Variants in SCHIP1 observed in about 807,000 individuals in gnomAD.
SCHIP1 encodes the protein schwannomin interacting protein 1.
Under a neutral mutation model 29.7 loss-of-function variants are expected in SCHIP1, and 8 were observed. The observed-to-expected ratio is 0.27, with a 90% confidence interval of 0.16 to 0.49. The LOEUF (loss-of-function observed/expected upper bound fraction) is 0.49. Ranked by LOEUF, SCHIP1 falls within the 20% of genes least tolerant of loss-of-function variation. SCHIP1 has a pLI of 0.99. For missense variants in SCHIP1, 193 were observed against 294.6 expected (o/e 0.66, Z 2.52); for synonymous variants, 76 against 94.9 (o/e 0.80, Z 1.16).
At chr3:159,696,374 A>C in the SCHIP1 span, among the ~76,000 whole-genome samples, 7 of 151,802 alleles carry the variant, frequency 4.6e-5, no homozygotes, top group Non-Finnish European at 1.0e-4. Context: ...AGTGAAGTTA[A>C]CTCTTACTGC....
At chr3:159,372,048 T>G in the SCHIP1 span, among the ~76,000 whole-genome samples, 2 of 152,158 alleles carry the variant, frequency 1.3e-5, no homozygotes. Context: ...GCATTTGAAT[T>G]TTATTGAAAT....
the SCHIP1 span, among the ~76,000 whole-genome samples, chr3:159,394,326 C>T: frequency 6.6e-6 from 1 of 152,064 alleles, no homozygotes. Flanking sequence ...TGCCTAATTG[C>T]TCTGGCCAGA....
At chr3:159,483,093 G>A in the SCHIP1 span, among the ~76,000 whole-genome samples, 1 of 152,140 alleles carries the variant, frequency 6.6e-6, no homozygotes, top group Admixed American at 6.6e-5. Flanking sequence ...AGCTGACAGA[G>A]CTCCCACTGT....
At chr3:159,827,902 C>T in the SCHIP1 span, among the ~76,000 whole-genome samples, 2 of 151,004 alleles carry the variant, frequency 1.3e-5, no homozygotes, top group African/African-American at 4.9e-5. Flanking sequence ...TCATAATGAA[C>T]TCATGATCTA....
At chr3:159,724,016 G>A in the SCHIP1 span, among the ~76,000 whole-genome samples, 1 of 152,166 alleles carries the variant, frequency 6.6e-6, no homozygotes, top group Non-Finnish European at 1.5e-5. Context: ...ACCTGGAAGA[G>A]TTGAACCAGT....
chr3:159,279,649 T>G, the SCHIP1 span, among the ~76,000 whole-genome samples: 1 of 151,346 alleles, frequency 6.6e-6, no homozygotes, highest in Non-Finnish European at 1.5e-5. Flanking sequence ...TTGATGTTAA[T>G]TTTACTGCAG....
At chr3:159,684,373 T>A in the SCHIP1 span, among the ~76,000 whole-genome samples, 1 of 152,208 alleles carries the variant, frequency 6.6e-6, no homozygotes, top group Non-Finnish European at 1.5e-5. Context: ...ACAACATTGG[T>A]GTTTTCTCAC....
At chr3:159,818,008 G>T in the SCHIP1 span, among the ~76,000 whole-genome samples, 12 of 152,316 alleles carry the variant, frequency 7.9e-5, no homozygotes, top group African/African-American at 2.2e-4. Context: ...ATCAGCAGCT[G>T]CAGTAGACTG....
At chr3:159,419,256 T>A in the SCHIP1 span, among the ~76,000 whole-genome samples, 1 of 152,154 alleles carries the variant, frequency 6.6e-6, no homozygotes, top group African/African-American at 2.4e-5. Flanking sequence ...AATGGGGATA[T>A]GAAATCTGTC....
the SCHIP1 span, among the ~76,000 whole-genome samples, chr3:159,819,780 C>G: frequency 6.6e-6 from 1 of 152,322 alleles, no homozygotes; most frequent in Non-Finnish European, 1.5e-5. Context: ...GGACTGACTT[C>G]CATTCTTTGT....
At chr3:159,564,541 TA>T in the SCHIP1 span, among the ~76,000 whole-genome samples, 1 of 152,130 alleles carries the variant, frequency 6.6e-6, no homozygotes, top group Non-Finnish European at 1.5e-5. Context: ...CATGCCTGGC[TA>T]ATTTTGAATT....
the SCHIP1 span, among the ~76,000 whole-genome samples, chr3:159,440,679 A>G: frequency 1.3e-5 from 2 of 152,106 alleles, no homozygotes; most frequent in Admixed American, 6.6e-5. Context: ...TGTCCCCAGT[A>G]GGCTATGGCC....
the SCHIP1 span, among the ~76,000 whole-genome samples, chr3:159,552,350 T>A: frequency 6.6e-6 from 1 of 152,090 alleles, no homozygotes; most frequent in African/African-American, 2.4e-5. Flanking sequence ...CCGGCCCACA[T>A]TGCATTTTAA....
At chr3:159,348,820 A>G in the SCHIP1 span, among the ~76,000 whole-genome samples, 1 of 152,210 alleles carries the variant, frequency 6.6e-6, no homozygotes, top group Admixed American at 6.5e-5. Context: ...CAAGGAAATT[A>G]CTATAGTGCT....
chr3:159,306,332 TG>T, the SCHIP1 span, among the ~76,000 whole-genome samples: 1 of 75,408 alleles, frequency 1.3e-5, no homozygotes, highest in Non-Finnish European at 3.9e-5. Flanking sequence ...ATAACTTTCT[TG>T]TAAAATCCTA....
At chr3:159,680,042 T>C in the SCHIP1 span, among the ~76,000 whole-genome samples, 6 of 143,388 alleles carry the variant, frequency 4.2e-5, no homozygotes, top group African/African-American at 1.6e-4. Flanking sequence ...ATCTCGGTAC[T>C]TCCCACCGAG....
the SCHIP1 span, among the ~76,000 whole-genome samples, chr3:159,571,006 T>G: frequency 6.6e-6 from 1 of 152,210 alleles, no homozygotes; most frequent in African/African-American, 2.4e-5. Flanking sequence ...CCTGAGACTT[T>G]GCTGAAGTTG....
chr3:159,581,315 GAA>G, the SCHIP1 span, among the ~76,000 whole-genome samples: 3 of 152,176 alleles, frequency 2.0e-5, no homozygotes, highest in African/African-American at 7.2e-5. Context: ...ACTTGGAGCT[GAA>G]GAAGCTGGCA....
the SCHIP1 span, among the ~76,000 whole-genome samples, chr3:159,420,254 C>T: frequency 7.2e-5 from 11 of 152,136 alleles, no homozygotes; most frequent in Admixed American, 6.5e-4. Flanking sequence ...GATTCAGAGA[C>T]AGCCTCGCAA....
Sources: allele counts gnomAD v4.1 joint callset (sites outside exome capture counted in the v4.1 genomes callset), GRCh38; gene constraint gnomAD v4.1.1; transcripts MANE v1.5; gene names NCBI Gene and HGNC (gene_info 2026-07-23, HGNC 2026-07-21).